The following PDGFD variants were observed in gnomAD, a reference collection of about 807,000 sequenced individuals.
PDGFD encodes the protein platelet-derived growth factor D.
A neutral mutation model predicts 44.7 loss-of-function variants in PDGFD; 30 were observed. The ratio of observed to expected loss-of-function variants is 0.67; its 90% CI spans 0.50 to 0.91. The LOEUF is 0.91. Ranked by LOEUF, PDGFD falls within the 40% of genes least tolerant of loss-of-function variation. PDGFD has a pLI of 0.00. For missense variants in PDGFD, 445 were observed against 457.8 expected, an observed-to-expected ratio of 0.97 and a Z score of 0.25; for synonymous variants, 173 against 168.4, an observed-to-expected ratio of 1.03 and a Z score of -0.21.
At chr11:104,006,682 T>A (rs1274866542) in intron 1 of PDGFD, among the ~76,000 whole-genome samples, 3 of 152,122 alleles carry the variant, frequency 2.0e-5, no homozygotes, top group African/African-American at 4.8e-5. Flanking sequence ...ACGAACAGCG[T>A]GGCAGAGAGA....
intron 1 of PDGFD, among the ~76,000 whole-genome samples, chr11:104,135,085 G>C (rs928892601): frequency 6.6e-6 from 1 of 152,206 alleles, no homozygotes; most frequent in African/African-American, 2.4e-5. Flanking sequence ...GTGGAAGGCA[G>C]GCAAACTGAC....
intron 6 of PDGFD, among the ~76,000 whole-genome samples, chr11:103,915,043 A>T (rs1368235727): frequency 6.6e-6 from 1 of 152,200 alleles, no homozygotes; most frequent in East Asian, 1.9e-4. Flanking sequence ...GCACAAGACA[A>T]GGATGCCCTC....
intron 1 of PDGFD, among the ~76,000 whole-genome samples, chr11:104,053,548 C>T (rs919405253): frequency 6.6e-6 from 1 of 152,142 alleles, no homozygotes; most frequent in African/African-American, 2.4e-5. Context: ...TGTTAATTAG[C>T]TGTAATAACT....
At chr11:104,111,197 A>C (rs1409247427) in intron 1 of PDGFD, among the ~76,000 whole-genome samples, 4 of 151,236 alleles carry the variant, frequency 2.6e-5, no homozygotes, top group African/African-American at 9.7e-5. Flanking sequence ...AAGAAACTAA[A>C]ATCTACACCT....
intron 5 of PDGFD, among the ~76,000 whole-genome samples, chr11:103,933,662 T>G (rs1326041265): frequency 6.6e-6 from 1 of 152,248 alleles, no homozygotes; most frequent in African/African-American, 2.4e-5. Context: ...GCAACTACTA[T>G]GTATCCAGCA....
At chr11:104,051,176 G>A (rs989629009) in intron 1 of PDGFD, among the ~76,000 whole-genome samples, 2 of 152,096 alleles carry the variant, frequency 1.3e-5, no homozygotes, top group Non-Finnish European at 2.9e-5. Context: ...TGCTGTCAGC[G>A]ATAACACTCA....
At chr11:104,046,244 T>G (rs1860440783) in intron 1 of PDGFD, among the ~76,000 whole-genome samples, 1 of 147,824 alleles carries the variant, frequency 6.8e-6, no homozygotes, top group African/African-American at 2.5e-5. Flanking sequence ...TTTTGTTACC[T>G]GTTGAACCAA....
chr11:104,070,387 G>A (rs1434920294), intron 1 of PDGFD, among the ~76,000 whole-genome samples: 1 of 151,976 alleles, frequency 6.6e-6, no homozygotes, highest in Admixed American at 6.6e-5. Context: ...TTTTCTTTCT[G>A]TATTTGTAAC....
In PDGFD at chr11:104,163,877, G is replaced by A. The variant is rs186961419; in HGVS notation, c.51C>T (p.Ser17=). ...GCGGGGTTGCAGAAGTGTCCCGACA[G>A]CTGCAAAAGTTTGCGCAGATTAGAG... ...VYTLICANFC[S]CRDTSATPQS... Residue 17 remains serine, a synonymous_variant, in exon 1 of 7, where the codon AGC becomes AGT. Coordinates refer to ENST00000393158, the MANE Select transcript of PDGFD (RefSeq NM_025208.5). 3.2e-6 allele frequency: 5 copies of A among 1,577,510 alleles called. No homozygotes were observed. The African/African-American group carries it at 5.4e-5, about 17-fold the overall frequency.
At chr11:104,100,398 C>G (rs1420705111) in intron 1 of PDGFD, among the ~76,000 whole-genome samples, 1 of 152,146 alleles carries the variant, frequency 6.6e-6, no homozygotes, top group Non-Finnish European at 1.5e-5. Flanking sequence ...CATACACCCT[C>G]CCAAGACTAA....
intron 1 of PDGFD, among the ~76,000 whole-genome samples, chr11:104,118,484 C>G (rs2134458226): frequency 6.6e-6 from 1 of 151,508 alleles, no homozygotes; most frequent in East Asian, 1.9e-4. Flanking sequence ...TATCTTGTAA[C>G]CTAAACTTAG....
chr11:104,101,578 T>C (rs1047841190), intron 1 of PDGFD, among the ~76,000 whole-genome samples: 5 of 152,112 alleles, frequency 3.3e-5, no homozygotes, highest in Non-Finnish European at 4.4e-5. Context: ...AAAAACTACT[T>C]TAAAGTTCAT....
chr11:104,160,697 T>C (rs981393591), intron 1 of PDGFD, among the ~76,000 whole-genome samples: 1 of 152,212 alleles, frequency 6.6e-6, no homozygotes, highest in African/African-American at 2.4e-5. Context: ...GAGCCTCATG[T>C]TCTCCTGGAG....
At chr11:104,043,138 T>G (rs942477828) in intron 1 of PDGFD, among the ~76,000 whole-genome samples, 1 of 152,178 alleles carries the variant, frequency 6.6e-6, no homozygotes, top group Non-Finnish European at 1.5e-5. Context: ...TTTAACTCAG[T>G]ACTGAATCAC....
chr11:104,037,433 AC>A (rs1565317286), intron 1 of PDGFD: 1 of 1,614,084 alleles, frequency 6.2e-7, no homozygotes, highest in East Asian at 2.2e-5. Flanking sequence ...TACACAGCCG[AC>A]CCACTGGATC....
intron 1 of PDGFD, among the ~76,000 whole-genome samples, chr11:104,119,003 A>ATATATCGATATATTATATAATATGT (rs1861693796): frequency 1.3e-4 from 1 of 7,584 alleles, no homozygotes; most frequent in African/African-American, 4.9e-4. Flanking sequence ...ATATAATAAA[A>ATATATCGATATATTATATAATATGT]TAATATAATA....
chr11:103,954,136 G>C (rs538896131), intron 3 of PDGFD, among the ~76,000 whole-genome samples: 4 of 152,292 alleles, frequency 2.6e-5, no homozygotes, highest in African/African-American at 7.2e-5. Flanking sequence ...TTCAGAAAGG[G>C]TTTCTCCAGA....
chr11:103,995,673 C>A (rs900406514), intron 3 of PDGFD, among the ~76,000 whole-genome samples: 2 of 152,254 alleles, frequency 1.3e-5, no homozygotes, highest in Non-Finnish European at 2.9e-5. Context: ...AACTTATACA[C>A]AAATTTTCAA....
At chr11:104,098,504 T>A (rs772258847) in intron 1 of PDGFD, among the ~76,000 whole-genome samples, 75 of 47,190 alleles carry the variant, frequency 1.6e-3, no homozygotes, top group Non-Finnish European at 2.4e-3. Context: ...TCCTTCTGTT[T>A]CTCTTTTTTT....
Sources: allele counts gnomAD v4.1 joint callset (sites outside exome capture counted in the v4.1 genomes callset), GRCh38; gene constraint gnomAD v4.1.1; transcripts MANE v1.5; gene names NCBI Gene and HGNC (gene_info 2026-07-23, HGNC 2026-07-21).